Variants in PDZRN4 observed in about 807,000 individuals in gnomAD.
The protein encoded by PDZRN4 is PDZ domain-containing RING finger protein 4.
In PDZRN4, 70 loss-of-function variants were observed where a neutral mutation model predicts 99.0. The observed-to-expected ratio is 0.71, with a 90% CI of 0.58 to 0.86. The LOEUF is 0.86. PDZRN4 is among the 40% of genes least tolerant of loss of function. The probability of loss-of-function intolerance (pLI) is 0.00; values close to 1 mark genes in which losing one functional copy is unlikely to be tolerated. For synonymous variants in PDZRN4, 551 were observed against 501.6 expected (o/e 1.10, Z -1.32); for missense variants, 1,474 against 1,331.2 (o/e 1.11, Z -1.67).
At chr12:41,514,116 G>A (rs1229508588) in intron 5 of PDZRN4, among the ~76,000 whole-genome samples, 1 of 152,020 alleles carries the variant, frequency 6.6e-6, no homozygotes, top group Admixed American at 6.6e-5. Flanking sequence ...TGCTTGAAGA[G>A]GTATTAAAAG....
chr12:41,501,081 C>T (rs1433303056), intron 3 of PDZRN4, among the ~76,000 whole-genome samples: 1 of 152,112 alleles, frequency 6.6e-6, no homozygotes, highest in Non-Finnish European at 1.5e-5. Context: ...TATACTTATC[C>T]TCAATTTCAA....
At chr12:41,294,308 A>G (rs1951475995) in intron 3 of PDZRN4, among the ~76,000 whole-genome samples, 1 of 152,136 alleles carries the variant, frequency 6.6e-6, no homozygotes, top group African/African-American at 2.4e-5. Flanking sequence ...TGTAAAATAT[A>G]CTTCCCAATA....
At position 41,263,004 on chromosome 12, in the gene PDZRN4, A is replaced by G. The variant is rs182103646; in HGVS notation, c.843+68816A>G. On this transcript the variant is annotated intron_variant, in intron 3 of 9. Transcript: ENST00000402685. ...TATCTCACTAACTAAACCACATAGTATATACTATTTAATAAAATTTACATG... is the reference window on the plus strand; with the variant it reads ...TATCTCACTAACTAAACCACATAGTGTATACTATTTAATAAAATTTACATG... 1.0e-3 allele frequency among the ~76,000 whole-genome samples: 158 copies of G among 152,150 alleles called. 1 individual carries two copies. The highest frequency in any genetic ancestry group is 3.7e-3 in the African/African-American group (154 of 41,504).
intron 3 of PDZRN4, among the ~76,000 whole-genome samples, chr12:41,263,106 A>G (rs879584823): frequency 5.3e-5 from 8 of 152,184 alleles, no homozygotes; most frequent in African/African-American, 1.9e-4. Context: ...GAAGTCTCAA[A>G]GCAAAAATAA....
chr12:41,342,439 G>A (rs981838825), intron 3 of PDZRN4, among the ~76,000 whole-genome samples: 1 of 151,596 alleles, frequency 6.6e-6, no homozygotes, highest in African/African-American at 2.4e-5. Flanking sequence ...GCAAACTATA[G>A]CAAACTATAC....
intron 3 of PDZRN4, among the ~76,000 whole-genome samples, chr12:41,214,447 A>AAAAAAAAAAAAAAAAAAAAAT (rs1335173003): frequency 6.8e-6 from 1 of 146,740 alleles, no homozygotes; most frequent in Non-Finnish European, 1.5e-5. Context: ...AAAAAAAAAA[A>AAAAAAAAAAAAAAAAAAAAAT]AAAGTTATCT....
chr12:41,267,303 C>G (rs1341585978), intron 3 of PDZRN4, among the ~76,000 whole-genome samples: 1 of 152,080 alleles, frequency 6.6e-6, no homozygotes, highest in Admixed American at 6.6e-5. Context: ...ATTGATCATT[C>G]CTACTGAAAT....
At chr12:41,283,293 C>T (rs566434747) in intron 3 of PDZRN4, among the ~76,000 whole-genome samples, 44 of 152,080 alleles carry the variant, frequency 2.9e-4, no homozygotes, top group African/African-American at 9.6e-4. Flanking sequence ...ATACATACAC[C>T]CTCCCCAGAC....
intron 5 of PDZRN4, among the ~76,000 whole-genome samples, chr12:41,521,131 T>G (rs561082743): frequency 6.6e-6 from 1 of 152,220 alleles, no homozygotes; most frequent in South Asian, 2.1e-4. Context: ...CAAATATTCT[T>G]TTGCCTGTGC....
chr12:41,468,891 C>A (rs1417586729), intron 3 of PDZRN4, among the ~76,000 whole-genome samples: 2 of 152,082 alleles, frequency 1.3e-5, no homozygotes, highest in Admixed American at 6.5e-5. Context: ...CGCCTGTAGT[C>A]CCAGCTCCTC....
intron 3 of PDZRN4, among the ~76,000 whole-genome samples, chr12:41,465,294 A>G (rs1275099696): frequency 6.6e-6 from 1 of 152,222 alleles, no homozygotes; most frequent in Non-Finnish European, 1.5e-5. Context: ...TTGGACAAAT[A>G]TGGAAGAGAA....
At chr12:41,529,570 A>T (rs1019052700) in intron 5 of PDZRN4, among the ~76,000 whole-genome samples, 1 of 152,240 alleles carries the variant, frequency 6.6e-6, no homozygotes, top group Non-Finnish European at 1.5e-5. Context: ...AGGATAAAAG[A>T]TATATGCACC....
chr12:41,350,411 G>A (rs192370918), intron 3 of PDZRN4, among the ~76,000 whole-genome samples: 1 of 151,964 alleles, frequency 6.6e-6, no homozygotes, highest in Non-Finnish European at 1.5e-5. Context: ...AATGTCTATA[G>A]AAAACTAAAT....
At position 41,285,197 on chromosome 12, in the gene PDZRN4, G is replaced by T. The variant is rs190390725; in HGVS notation, c.843+91009G>T. Among the ~76,000 whole-genome samples the T allele has an allele frequency of 7.7e-4, 117 of 152,146 alleles. 1 individual carries two copies. The highest frequency in any genetic ancestry group is 3.4e-3 in the Middle Eastern group (1 of 294). On this transcript the variant is annotated intron_variant, in intron 3 of 9. Coordinates refer to ENST00000402685, the MANE Select transcript of PDZRN4 (RefSeq NM_001164595.2). ...AAAACCCCATCGAAAAACAGGCAAA[G>T]AATATGAACAGACACTTCTCAAAAG... is the stretch of plus-strand genomic sequence containing the variant.
intron 3 of PDZRN4, among the ~76,000 whole-genome samples, chr12:41,329,536 T>C (rs967925704): frequency 2.6e-5 from 4 of 152,254 alleles, no homozygotes; most frequent in African/African-American, 9.6e-5. Context: ...AATTATGTTT[T>C]CAAGTCAGTT....
intron 3 of PDZRN4, among the ~76,000 whole-genome samples, chr12:41,261,681 G>T (rs1464227428): frequency 6.6e-6 from 1 of 152,108 alleles, no homozygotes; most frequent in African/African-American, 2.4e-5. Context: ...AGTAGAGACA[G>T]GGTTTCACCG....
At chr12:41,225,838 A>C (rs942920110) in intron 3 of PDZRN4, among the ~76,000 whole-genome samples, 4 of 152,208 alleles carry the variant, frequency 2.6e-5, no homozygotes, top group Middle Eastern at 6.8e-3. Context: ...AGGAGTTGGC[A>C]TCTCAGAATT....
intron 9 of PDZRN4, among the ~76,000 whole-genome samples, chr12:41,569,222 C>T (rs1387507316): frequency 4.1e-5 from 6 of 146,506 alleles, no homozygotes. Flanking sequence ...TGGGCTCAAG[C>T]GATTCTCCTG....
In PDZRN4 at chr12:41,442,369, T is replaced by TA. The variant is rs1036389458; in HGVS notation, c.844-64080dup. 2.4e-4 allele frequency among the ~76,000 whole-genome samples: 37 copies of TA among 152,208 alleles called. No individual in the cohort carries two copies. In the South Asian group the frequency reaches 4.4e-3, roughly 18 times the overall value. ...ATTTCTGCATTTATTGTTCTTTTTTTAAAAAAATTAATCTCTCCCACCTTC... is the reference window on the plus strand; with the variant it reads ...ATTTCTGCATTTATTGTTCTTTTTTTAAAAAAAATTAATCTCTCCCACCTTC... On this transcript the variant is annotated intron_variant, in intron 3 of 9. Transcript: ENST00000402685.
Sources: allele counts gnomAD v4.1 joint callset (sites outside exome capture counted in the v4.1 genomes callset), GRCh38; gene constraint gnomAD v4.1.1; transcripts MANE v1.5; gene names NCBI Gene and HGNC (gene_info 2026-07-23, HGNC 2026-07-21).